The following SMARCD2 variants were observed in gnomAD, a reference collection of about 807,000 sequenced individuals.
The protein encoded by SMARCD2 is SWI/SNF-related matrix-associated actin-dependent regulator of chromatin subfamily D member 2.
A neutral mutation model predicts 70.4 loss-of-function variants in SMARCD2; 39 were observed. The observed-to-expected ratio is 0.55, with a 90% CI of 0.43 to 0.72. The LOEUF is 0.72. Among genes scored for constraint, SMARCD2 ranks in the 30% least tolerant of loss-of-function variants. SMARCD2 has a pLI of 0.00. For synonymous variants in SMARCD2, 249 were observed against 279.4 expected (o/e 0.89, Z 1.08); for missense variants, 540 against 713.4 (o/e 0.76, Z 2.77).
In SMARCD2 at chr17:63,834,990, G is replaced by T; in HGVS notation, c.724-190C>A. 1 of 594,360 alleles carries T rather than the reference G, an allele frequency of 1.7e-6. No homozygotes were observed. Among genetic ancestry groups the T allele is most frequent in the South Asian group, 2.1e-5 (1 of 48,518 alleles). 36.8% of individuals were successfully genotyped at this position (594,360 alleles called of 1,614,324 possible). ...GAAATGGTGCCCTCTTGCAGCCCAC[G>T]AGGGACTTCCTCGAGACACTCGACT... On this transcript the variant is annotated intron_variant, in intron 5 of 12. Coordinates refer to ENST00000448276, the MANE Select transcript of SMARCD2 (RefSeq NM_001098426.2). This position sits in a 1 kb window ranked among gnomAD's most constrained non-coding sequence, Gnocchi z 5.6.
rs776067630 is a variant in SMARCD2, at chr17:63,834,362, C to A, written c.922-34G>T. ...GGATGGAGGGGAGTCAGAACGGGTT[C>A]TTATAGTAGAACAGTGGGAAAATAG... On this transcript the variant is annotated intron_variant, in intron 7 of 12. Transcript: ENST00000448276. The surrounding 1 kb of genome is among the most constrained non-coding windows in gnomAD (Gnocchi z 5.6). The A allele has an allele frequency of 6.2e-7, 1 of 1,600,536 alleles. No homozygotes were observed. Among genetic ancestry groups the A allele is most frequent in the Admixed American group, 1.7e-5 (1 of 59,532 alleles).
In SMARCD2 at chr17:63,832,758, T is replaced by A. The variant is rs1165794322; in HGVS notation, c.*180A>T. On this transcript the variant is annotated 3_prime_UTR_variant, in exon 13 of 13. Transcript: ENST00000448276. ...CCAATTAAAGCCAATGCAAAAAGTA[T>A]AAGGCTTTGGGGACCAAGCAACAAG... 1 of 636,544 alleles carries A rather than the reference T, an allele frequency of 1.6e-6. No individual in the cohort carries two copies. Among genetic ancestry groups the A allele is most frequent in the African/African-American group, 1.8e-5 (1 of 54,714 alleles). 39.4% of individuals were successfully genotyped at this position (636,544 alleles called of 1,614,324 possible).
At chr17:63,836,097 G>C (rs1382602267) in intron 4 of SMARCD2, among the ~76,000 whole-genome samples, 1 of 152,036 alleles carries the variant, frequency 6.6e-6, no homozygotes, top group South Asian at 2.1e-4. Flanking sequence ...CTGGTGCTAC[G>C]GCATGATGGA....
intron 1 of SMARCD2, among the ~76,000 whole-genome samples, chr17:63,839,522 T>G (rs1904357420): frequency 2.0e-5 from 3 of 150,780 alleles, no homozygotes. Flanking sequence ...AGCTGAGCCT[T>G]GCCAAGCTCC....
Position 63,837,002 on chromosome 17 carries a change from A to G in SMARCD2, c.487T>C (p.Leu163=). ...TGGTCCAGCTTCCGCTCAAAAGCCA[A>G]GAGATCCATGTACGCCTGAGACTCT... The part of the protein sequence containing the change: ...VPESQAYMDL[L]AFERKLDQTI... Residue 163 remains leucine, a synonymous_variant, in exon 4 of 13, where the codon TTG becomes CTG. Transcript: ENST00000448276. This position sits in a 1 kb window ranked among gnomAD's most constrained non-coding sequence, Gnocchi z 6.4. 1 of 1,613,988 alleles carries G rather than the reference A, an allele frequency of 6.2e-7. No homozygotes were observed. The highest frequency in any genetic ancestry group is 8.5e-7 in the Non-Finnish European group (1 of 1,179,822).
chr17:63,840,255 G>C (rs1039776298), intron 1 of SMARCD2, among the ~76,000 whole-genome samples: 3 of 151,318 alleles, frequency 2.0e-5, no homozygotes, highest in African/African-American at 4.9e-5. Context: ...ATGCAGCCTT[G>C]AACTCCTGGA....
intron 1 of SMARCD2, among the ~76,000 whole-genome samples, chr17:63,842,037 G>GA (rs1904483859): frequency 6.6e-6 from 1 of 152,160 alleles, no homozygotes; most frequent in African/African-American, 2.4e-5. Context: ...TTCCCAATCA[G>GA]AAAAAACAGG....
At chr17:63,836,145 A>AGT (rs1238197042) in intron 4 of SMARCD2, among the ~76,000 whole-genome samples, 2 of 152,106 alleles carry the variant, frequency 1.3e-5, no homozygotes, top group Admixed American at 6.5e-5. Flanking sequence ...ATCTTACATG[A>AGT]AACCCAAACA....
intron 4 of SMARCD2, among the ~76,000 whole-genome samples, chr17:63,835,980 C>A (rs1172823110): frequency 2.0e-5 from 3 of 152,062 alleles, no homozygotes; most frequent in African/African-American, 7.2e-5. Flanking sequence ...CTGCCCACTT[C>A]GGCCTCCTAA....
At chr17:63,836,877 G>A in intron 4 of SMARCD2, 45 bp downstream of exon 4, 2 of 1,583,678 alleles carry the variant, frequency 1.3e-6, no homozygotes, top group Non-Finnish European at 1.7e-6. Context: ...GGGGTGGAAG[G>A]CAAGGAAACC....
rs1567762963 is a variant in SMARCD2 at position 63,837,541 on chromosome 17, C to G, written c.301G>C (p.Ala101Pro). The G allele has an allele frequency of 1.2e-6, 2 of 1,610,832 alleles. No homozygotes were observed. The highest frequency in any genetic ancestry group is 1.7e-6 in the Non-Finnish European group (2 of 1,178,468). Reference sequence around the variant, plus strand: ...GGTGGCATGCCAGGTCGAAGCGGAGCTGCTGCACCAAATGGGGAGCCAGCA... The same window carrying G: ...GGTGGCATGCCAGGTCGAAGCGGAGGTGCTGCACCAAATGGGGAGCCAGCA... ...PPAGSPFGAA[A>P]PLRPGMPPTM... is the part of the protein sequence containing the mutation. The change falls in exon 2 of 13, where the codon GCT becomes CCT. Residue 101 changes from alanine (A) to proline (P), a missense_variant. Ala to Pro is a conservative substitution (Grantham distance 27, BLOSUM62 -1). Transcript: ENST00000448276. The surrounding 1 kb of genome is among the most constrained non-coding windows in gnomAD (Gnocchi z 6.4).
Position 63,835,557 on chromosome 17 carries a change from T to G in SMARCD2, c.578A>C (p.Lys193Thr), listed in dbSNP as rs778502401. ...AIKKPLTQKRKLRIYISNTFS... is the reference protein window; with the variant it reads ...AIKKPLTQKRTLRIYISNTFS... ...CGTATTGGAAATGTAGATCCGAAGC[T>G]TTCGCTTTTGCTAAAGAGAGAAAGG... Residue 193 changes from lysine to threonine, a missense_variant, in exon 5 of 13, where the codon AAG (lysine) becomes ACG (threonine). By Grantham distance (78) the Lys-to-Thr change is moderately conservative. Coordinates refer to ENST00000448276, the MANE Select transcript of SMARCD2 (RefSeq NM_001098426.2). 1 of 1,613,830 alleles carries G rather than the reference T, an allele frequency of 6.2e-7. No homozygotes were observed.
intron 5 of SMARCD2, chr17:63,835,069 G>T: frequency 1.8e-6 from 1 of 545,936 alleles, no homozygotes; most frequent in Non-Finnish European, 3.2e-6. Flanking sequence ...AACGGGCTTG[G>T]AGCAGCGCCC....
In SMARCD2 at chr17:63,833,928, C is replaced by A. The variant is rs762640952; in HGVS notation, c.1162G>T (p.Val388Phe). The A allele has an allele frequency of 6.2e-7, 1 of 1,612,722 alleles. No individual in the cohort carries two copies. Among genetic ancestry groups the A allele is most frequent in the South Asian group, 1.1e-5 (1 of 91,058 alleles). Residue 388 changes from valine to phenylalanine, a missense_variant, in exon 9 of 13, where the codon GTC (valine) becomes TTC (phenylalanine). By Grantham distance (50) the Val-to-Phe change is conservative. Coordinates refer to ENST00000448276, the MANE Select transcript of SMARCD2 (RefSeq NM_001098426.2). This position sits in a 1 kb window ranked among gnomAD's most constrained non-coding sequence, Gnocchi z 4.3. ...AGLLQHPDPI[V>F]INHVISVDPN... ...ATTTACCTAATGACATGGTTGATGACAATGGGGTCTGGATGCTGCAGCAAC... is the reference window on the plus strand; with the variant it reads ...ATTTACCTAATGACATGGTTGATGAAAATGGGGTCTGGATGCTGCAGCAAC...
intron 4 of SMARCD2, 96 bp from the exon 5 acceptor site, chr17:63,835,663 C>T: frequency 8.2e-7 from 1 of 1,220,130 alleles, no homozygotes; most frequent in Middle Eastern, 2.0e-4. Context: ...ACAATCAGTA[C>T]TGAGCACCAT....
At position 63,833,782 on chromosome 17, in the gene SMARCD2, C is replaced by G; in HGVS notation, c.1182-60G>C. On this transcript the variant is annotated intron_variant, in intron 9 of 12. Coordinates refer to ENST00000448276, the MANE Select transcript of SMARCD2 (RefSeq NM_001098426.2). The surrounding 1 kb of genome is among the most constrained non-coding windows in gnomAD (Gnocchi z 4.3). ...CTGACTTCATCCTGCCCACCTGGGC[C>G]AAATCTGGGGCCCATTCTCTGCACA... 6.2e-7 allele frequency: 1 copy of G among 1,605,890 alleles called. No individual in the cohort carries two copies. The highest frequency in any genetic ancestry group is 8.5e-7 in the Non-Finnish European group (1 of 1,173,006).
At chr17:63,838,636 G>A (rs1273156346) in intron 1 of SMARCD2, 51 of 1,496,440 alleles carry the variant, frequency 3.4e-5, no homozygotes, top group Non-Finnish European at 4.4e-5. Flanking sequence ...TGACATTTCT[G>A]TGGAGCCCAT....
At chr17:63,842,372 G>A (rs1436359110) in intron 1 of SMARCD2, 87 bp downstream of exon 1, 7 of 1,233,412 alleles carry the variant, frequency 5.7e-6, no homozygotes, top group African/African-American at 4.9e-5. Context: ...CATTCCCCAG[G>A]GCCCTCACTC....
At position 63,837,545 on chromosome 17, in the gene SMARCD2, T is replaced by C; in HGVS notation, c.297A>G (p.Ala99=). ...VGPPAGSPFG[A]AAPLRPGMPP... ...GCATGCCAGGTCGAAGCGGAGCTGCTGCACCAAATGGGGAGCCAGCAGGGG... is the reference window on the plus strand; with the variant it reads ...GCATGCCAGGTCGAAGCGGAGCTGCCGCACCAAATGGGGAGCCAGCAGGGG... The change falls in exon 2 of 13, where the codon GCA becomes GCG. Residue 99 remains alanine, a synonymous_variant. Coordinates refer to ENST00000448276, the MANE Select transcript of SMARCD2 (RefSeq NM_001098426.2). This position sits in a 1 kb window ranked among gnomAD's most constrained non-coding sequence, Gnocchi z 6.4. 2.5e-6 allele frequency: 4 copies of C among 1,611,370 alleles called. No individual in the cohort carries two copies. Among genetic ancestry groups the C allele is most frequent in the Non-Finnish European group, 3.4e-6 (4 of 1,178,748 alleles).
Sources: allele counts gnomAD v4.1 joint callset (sites outside exome capture counted in the v4.1 genomes callset), GRCh38; gene constraint gnomAD v4.1.1; non-coding constraint Gnocchi (gnomAD v3.1); transcripts MANE v1.5; gene names NCBI Gene and HGNC (gene_info 2026-07-23, HGNC 2026-07-21).